The following EYA2 variants were observed in gnomAD, a reference collection of about 807,000 sequenced individuals.
The protein encoded by EYA2 is protein phosphatase EYA2.
Under a neutral mutation model 69.2 loss-of-function variants are expected in EYA2, and 31 were observed. That is an observed-to-expected ratio of 0.45 (90% CI 0.34 to 0.60). The LOEUF (loss-of-function observed/expected upper bound fraction) is 0.60, where lower values mean the gene tolerates loss of function less well. EYA2 is among the 20% of genes least tolerant of loss of function. The pLI is 0.02. For missense variants in EYA2, 622 were observed against 701.2 expected (o/e 0.89, Z 1.28); for synonymous variants, 257 against 279.4 (o/e 0.92, Z 0.80).
At chr20:46,988,313 C>CTT (rs199716349) in intron 1 of EYA2, among the ~76,000 whole-genome samples, 2 of 151,374 alleles carry the variant, frequency 1.3e-5, no homozygotes, top group African/African-American at 4.9e-5. Context: ...TAAAATAGTG[C>CTT]TTTTTTTTAC....
intron 8 of EYA2, among the ~76,000 whole-genome samples, chr20:47,093,038 G>A (rs577792467): frequency 1.3e-5 from 2 of 152,320 alleles, no homozygotes; most frequent in East Asian, 3.9e-4. Flanking sequence ...TAGAGTATCA[G>A]CGAGGCACTG....
intron 1 of EYA2, among the ~76,000 whole-genome samples, chr20:46,939,084 A>G (rs1175777867): frequency 1.3e-5 from 2 of 152,182 alleles, no homozygotes; most frequent in Admixed American, 1.3e-4. Flanking sequence ...CAGTCCACCT[A>G]GTTCAGGAGG....
At chr20:47,033,468 C>T (rs1354623101) in intron 5 of EYA2, among the ~76,000 whole-genome samples, 1 of 152,168 alleles carries the variant, frequency 6.6e-6, no homozygotes, top group South Asian at 2.1e-4. Flanking sequence ...GCCCACAGAC[C>T]ATAGTTTGCC....
At chr20:47,153,486 CA>C (rs142104165) in intron 10 of EYA2, among the ~76,000 whole-genome samples, 2 of 148,698 alleles carry the variant, frequency 1.3e-5, no homozygotes, top group African/African-American at 4.9e-5. Context: ...TCAAAAAATA[CA>C]AAAAAAAACA....
At chr20:47,184,614 G>T (rs1281672007) in intron 15 of EYA2, among the ~76,000 whole-genome samples, 1 of 151,372 alleles carries the variant, frequency 6.6e-6, no homozygotes, top group Non-Finnish European at 1.5e-5. Context: ...ATAGAGATGG[G>T]GTTTTGCCAT....
intron 1 of EYA2, among the ~76,000 whole-genome samples, chr20:46,941,233 A>G (rs6094521): frequency 0.13 from 19,351 of 152,238 alleles, 1,507 homozygotes; most frequent in East Asian, 0.4. Flanking sequence ...CATGCACCCT[A>G]TCACATCTCT....
In EYA2 at chr20:47,188,573, G is replaced by A; in HGVS notation, c.*440G>A. 1 of 448,136 alleles carries A rather than the reference G, an allele frequency of 2.2e-6. No homozygotes were observed. The highest frequency in any genetic ancestry group is 3.9e-6 in the Non-Finnish European group (1 of 255,056). 27.8% of individuals were successfully genotyped at this position (448,136 alleles called of 1,614,324 possible). On this transcript the variant is annotated 3_prime_UTR_variant, in exon 16 of 16. Coordinates refer to ENST00000327619, the MANE Select transcript of EYA2 (RefSeq NM_005244.5). ...TTGGTTTGGTTTTTTGAACTGGTATGTGGGGTGGTTCACAGTTCTAATGTA... is the reference window on the plus strand; with the variant it reads ...TTGGTTTGGTTTTTTGAACTGGTATATGGGGTGGTTCACAGTTCTAATGTA...
chr20:47,033,078 G>C (rs1332432292), intron 5 of EYA2, among the ~76,000 whole-genome samples: 1 of 152,202 alleles, frequency 6.6e-6, no homozygotes, highest in African/African-American at 2.4e-5. Context: ...AGCTCAAAAA[G>C]ATTGTGCAAC....
chr20:46,911,388 G>A (rs377388056), intron 1 of EYA2, among the ~76,000 whole-genome samples: 3 of 152,162 alleles, frequency 2.0e-5, no homozygotes, highest in Non-Finnish European at 2.9e-5. Flanking sequence ...TACCATAAGT[G>A]AGGAAAGCTG....
intron 1 of EYA2, among the ~76,000 whole-genome samples, chr20:46,899,903 G>A (rs1224156085): frequency 6.6e-6 from 1 of 152,170 alleles, no homozygotes; most frequent in East Asian, 1.9e-4. Flanking sequence ...GTCTGCCTCT[G>A]CCTTCAGATA....
At chr20:47,075,207 C>T (rs1476652733) in intron 7 of EYA2, among the ~76,000 whole-genome samples, 1 of 152,234 alleles carries the variant, frequency 6.6e-6, no homozygotes, top group Admixed American at 6.5e-5. Context: ...ATTTATTCAA[C>T]AAATATTTGG....
chr20:47,113,664 G>A (rs188082321), intron 9 of EYA2, among the ~76,000 whole-genome samples: 2 of 152,302 alleles, frequency 1.3e-5, no homozygotes, highest in East Asian at 3.9e-4. Context: ...CACACACTTT[G>A]TATTCACCCA....
At chr20:47,005,951 A>C (rs576842773) in intron 4 of EYA2, among the ~76,000 whole-genome samples, 1 of 151,018 alleles carries the variant, frequency 6.6e-6, no homozygotes, top group African/African-American at 2.4e-5. Context: ...TGGAGGAAAC[A>C]GGGGAATTTA....
chr20:46,904,386 A>C (rs1450229390), intron 1 of EYA2, among the ~76,000 whole-genome samples: 1 of 152,110 alleles, frequency 6.6e-6, no homozygotes, highest in Non-Finnish European at 1.5e-5. Flanking sequence ...TAAAACTGCC[A>C]AACAGATTTA....
At chr20:47,146,584 G>A (rs562320705) in intron 10 of EYA2, among the ~76,000 whole-genome samples, 3 of 152,330 alleles carry the variant, frequency 2.0e-5, no homozygotes, top group Admixed American at 6.5e-5. Flanking sequence ...CACGTTATAC[G>A]ATGATGAAGT....
chr20:46,895,000 A>C lies in EYA2; in HGVS notation c.-11+13A>C, dbSNP rs11700141. The C allele has an allele frequency of 0.31, 47,322 of 150,636 alleles. 8,391 individuals carry two copies. The highest frequency in any genetic ancestry group is 0.44 in the East Asian group (2,218 of 5,016). 9.3% of individuals were successfully genotyped at this position (150,636 alleles called of 1,614,324 possible). ...TCCACTGCGCGCGGTGAGTACCGCC[A>C]GCGGCGCCCACCCCAGGCCGCCCGC... On this transcript the variant is annotated intron_variant, in intron 1 of 15. Coordinates refer to ENST00000327619, the MANE Select transcript of EYA2 (RefSeq NM_005244.5).
chr20:47,049,860 A>ACCCCCC (rs57648069), intron 5 of EYA2, among the ~76,000 whole-genome samples: 7 of 126,300 alleles, frequency 5.5e-5, no homozygotes, highest in East Asian at 2.4e-4. Flanking sequence ...TCTGTGACAG[A>ACCCCCC]CCCCCCCCCC....
At chr20:47,177,237 A>G (rs6018322) in intron 12 of EYA2, among the ~76,000 whole-genome samples, 62,743 of 151,362 alleles carry the variant, frequency 0.41, 13,440 homozygotes, top group Non-Finnish European at 0.48. Flanking sequence ...CTCAGCCTTC[A>G]GAATAGCTGG....
chr20:47,040,093 G>A (rs771799970), intron 5 of EYA2, among the ~76,000 whole-genome samples: 6 of 151,896 alleles, frequency 4.0e-5, no homozygotes, highest in Middle Eastern at 3.2e-3. Context: ...CACCCACCTC[G>A]GCCACCCAAA....
Sources: gnomAD v4.1 joint callset for allele counts (sites outside exome capture counted in the v4.1 genomes callset) on GRCh38, gnomAD v4.1.1 for gene constraint, MANE v1.5 for transcripts, NCBI Gene and HGNC (gene_info 2026-07-23, HGNC 2026-07-21) for gene names.